DLGAP2: variants seen among roughly 807,000 people sequenced by gnomAD.
DLGAP2 encodes the protein DLG associated protein 2, also known as disks large-associated protein 2.
Under a neutral mutation model 100.3 loss-of-function variants are expected in DLGAP2, and 26 were observed. The observed-to-expected ratio is 0.26, with a 90% CI of 0.19 to 0.36. The LOEUF is 0.36. DLGAP2 is among the 10% of genes least tolerant of loss of function. The probability of loss-of-function intolerance (pLI) is 1.00; values close to 1 mark genes in which losing one functional copy is unlikely to be tolerated. For missense variants in DLGAP2, 1,858 were observed against 1,453.2 expected, an observed-to-expected ratio of 1.28 and a Z score of -4.53; for synonymous variants, 886 against 630.1, an observed-to-expected ratio of 1.41 and a Z score of -6.08.
intron 2 of DLGAP2, among the ~76,000 whole-genome samples, chr8:1,096,434 G>A (rs1426389638): frequency 6.6e-6 from 1 of 152,238 alleles, no homozygotes; most frequent in African/African-American, 2.4e-5. Flanking sequence ...CTCAACCTCT[G>A]TGGCATGGAG....
chr8:802,101 G>GCACCCCTCCTGGGTCCTCT (rs1796174166), intron 1 of DLGAP2, among the ~76,000 whole-genome samples: 6 of 124,052 alleles, frequency 4.8e-5, no homozygotes, highest in African/African-American at 1.6e-4. Context: ...CCTGGGGAAT[G>GCACCCCTCCTGGGTCCTCT]GTCCACACAC....
At chr8:1,282,850 C>T (rs13274275) in intron 3 of DLGAP2, among the ~76,000 whole-genome samples, 8 of 90,712 alleles carry the variant, frequency 8.8e-5, no homozygotes, top group Non-Finnish European at 1.5e-4. Flanking sequence ...GTGAAGCATC[C>T]GGACGTGGTG....
At chr8:1,318,764 A>G (rs1800825296) in intron 3 of DLGAP2, among the ~76,000 whole-genome samples, 1 of 140,692 alleles carries the variant, frequency 7.1e-6, no homozygotes, top group Non-Finnish European at 1.5e-5. Flanking sequence ...TAACTAATCC[A>G]TTGTCAGTGA....
chr8:1,387,270 A>G lies in DLGAP2; in HGVS notation c.107-114096A>G, dbSNP rs111403031. Among the ~76,000 whole-genome samples the G allele has an allele frequency of 3.4e-3, 523 of 152,366 alleles. 1 individual carries two copies. Among genetic ancestry groups the G allele is most frequent in the African/African-American group, 0.012 (506 of 41,594 alleles). On this transcript the variant is annotated intron_variant, in intron 3 of 14. Coordinates refer to ENST00000637795, the MANE Select transcript of DLGAP2 (RefSeq NM_001346810.2). ...TGCTGATTTTCTTCATAAGGCTTTT[A>G]TAGTATTATCAGATTTTTGTAAAAG...
intron 2 of DLGAP2, among the ~76,000 whole-genome samples, chr8:1,058,728 C>CATA (rs1248603094): frequency 7.9e-5 from 12 of 152,096 alleles, no homozygotes; most frequent in African/African-American, 2.9e-4. Flanking sequence ...ACAGATTGGC[C>CATA]TTATATTATA....
chr8:1,085,128 C>T (rs1465050507), intron 2 of DLGAP2, among the ~76,000 whole-genome samples: 2 of 152,346 alleles, frequency 1.3e-5, no homozygotes, highest in South Asian at 4.1e-4. Flanking sequence ...GCTGAGCTTT[C>T]CTACATGTGC....
intron 2 of DLGAP2, among the ~76,000 whole-genome samples, chr8:1,210,715 C>A (rs1798085785): frequency 1.3e-5 from 2 of 152,112 alleles, no homozygotes; most frequent in African/African-American, 2.4e-5. Context: ...ACTGGCATAA[C>A]TGACCCCCCA....
rs1188737146 is a variant in DLGAP2 at position 840,570 on chromosome 8, C to T, written c.19-67342C>T. On this transcript the variant is annotated intron_variant, in intron 1 of 14. Transcript: ENST00000637795. ...TCTGGATTCTGCGAGCGCGTCCACA[C>T]GGTGCACGCCTGCACGTCTCCCCAC... is the stretch of plus-strand genomic sequence containing the variant. Among the ~76,000 whole-genome samples the T allele has an allele frequency of 4.1e-3, 292 of 71,394 alleles. 17 individuals are homozygous for T. The highest frequency in any genetic ancestry group is 0.013 in the South Asian group (20 of 1,564). The allele number at this position is 71,394 out of a possible 152,430, so 46.8% of individuals were successfully genotyped here.
intron 3 of DLGAP2, among the ~76,000 whole-genome samples, chr8:1,307,590 T>C (rs1800519495): frequency 6.6e-6 from 1 of 152,160 alleles, no homozygotes. Flanking sequence ...TTAGTTACAG[T>C]AGCCAAAGAT....
intron 6 of DLGAP2, among the ~76,000 whole-genome samples, chr8:1,590,210 G>A (rs996107125): frequency 6.6e-6 from 1 of 152,174 alleles, no homozygotes; most frequent in Non-Finnish European, 1.5e-5. Flanking sequence ...TTCGTCTGCA[G>A]TGACCCTATT....
At chr8:1,204,071 C>T (rs1172324884) in intron 2 of DLGAP2, among the ~76,000 whole-genome samples, 1 of 152,246 alleles carries the variant, frequency 6.6e-6, no homozygotes, top group Non-Finnish European at 1.5e-5. Context: ...AATGCAGATT[C>T]TGACTCATGG....
chr8:888,648 T>G (rs1047089870), intron 1 of DLGAP2, among the ~76,000 whole-genome samples: 1 of 151,868 alleles, frequency 6.6e-6, no homozygotes, highest in Non-Finnish European at 1.5e-5. Flanking sequence ...GTTGGGGTGC[T>G]GCAGTTTGCT....
chr8:933,199 A>G (rs376727807), intron 2 of DLGAP2, among the ~76,000 whole-genome samples: 2 of 152,232 alleles, frequency 1.3e-5, no homozygotes, highest in African/African-American at 4.8e-5. Context: ...AGGCCTCTCT[A>G]GGGTCAGACC....
At chr8:1,470,728 G>A (rs28367414) in intron 3 of DLGAP2, among the ~76,000 whole-genome samples, 5,620 of 112,076 alleles carry the variant, frequency 0.05, 572 homozygotes, top group African/African-American at 0.2. Context: ...CACCGACCAC[G>A]GCCTCCCCTT....
At chr8:1,678,167 G>A (rs1249213312) in intron 11 of DLGAP2, 47 bp from the exon 12 acceptor site, 4 of 1,557,138 alleles carry the variant, frequency 2.6e-6, no homozygotes, top group Non-Finnish European at 3.5e-6. Flanking sequence ...GTTGCATGAA[G>A]TCCTCTCAGA....
At chr8:972,477 A>C (rs932896037) in intron 2 of DLGAP2, among the ~76,000 whole-genome samples, 1 of 152,238 alleles carries the variant, frequency 6.6e-6, no homozygotes, top group African/African-American at 2.4e-5. Context: ...CTGGGCATAA[A>C]AAACACTGTG....
chr8:873,245 A>AT (rs1403978389), intron 1 of DLGAP2, among the ~76,000 whole-genome samples: 1 of 152,316 alleles, frequency 6.6e-6, no homozygotes, highest in Admixed American at 6.5e-5. Context: ...AATGTTTTAG[A>AT]TTTTTTTGTA....
chr8:920,313 A>G (rs1399647689), intron 2 of DLGAP2, among the ~76,000 whole-genome samples: 1 of 152,250 alleles, frequency 6.6e-6, no homozygotes, highest in Admixed American at 6.5e-5. Flanking sequence ...ATATGTTTGC[A>G]CAGTTTAGGC....
In DLGAP2 at chr8:1,665,236, T is replaced by C. The variant is rs556015434; in HGVS notation, c.1811-3093T>C. On this transcript the variant is annotated intron_variant, in intron 8 of 14. Coordinates refer to ENST00000637795, the MANE Select transcript of DLGAP2 (RefSeq NM_001346810.2). ...ATTTTTCAGACTCTTTAAATTTTAC[T>C]TAAATACACTTAGTGAGGTCTGTGA... Among the ~76,000 whole-genome samples, 14 of 152,240 alleles carry C rather than the reference T, an allele frequency of 9.2e-5. 1 individual carries two copies. The highest frequency in any genetic ancestry group is 5.9e-5 in the Non-Finnish European group (4 of 68,046).
Sources: gnomAD v4.1 joint callset for allele counts (sites outside exome capture counted in the v4.1 genomes callset) on GRCh38, gnomAD v4.1.1 for gene constraint, MANE v1.5 for transcripts, NCBI Gene and HGNC (gene_info 2026-07-23, HGNC 2026-07-21) for gene names.